The following FNDC3B variants were observed in gnomAD, a reference collection of about 807,000 sequenced individuals.
FNDC3B encodes the protein fibronectin type III domain-containing protein 3B.
FNDC3B carries 12 observed loss-of-function variants against 151.5 expected under a neutral mutation model. The ratio of observed to expected loss-of-function variants is 0.08; its 90% confidence interval spans 0.05 to 0.13. FNDC3B has a LOEUF of 0.13. Among genes scored for constraint, FNDC3B ranks in the 10% least tolerant of loss-of-function variants. FNDC3B has a pLI of 1.00. For missense variants in FNDC3B, 1,214 were observed against 1,505.3 expected (o/e 0.81, Z 3.20); for synonymous variants, 528 against 549.0 (o/e 0.96, Z 0.54).
chr3:172,238,816 AT>A (rs1267624075), intron 4 of FNDC3B, among the ~76,000 whole-genome samples: 3 of 152,248 alleles, frequency 2.0e-5, no homozygotes, highest in African/African-American at 7.2e-5. Context: ...CTCCTATAGG[AT>A]TAAAGTAGAA....
intron 1 of FNDC3B, among the ~76,000 whole-genome samples, chr3:172,065,287 G>A (rs935747352): frequency 2.0e-5 from 3 of 152,242 alleles, no homozygotes; most frequent in South Asian, 2.1e-4. Flanking sequence ...AGCTGAGATC[G>A]TGCCACTGCA....
intron 3 of FNDC3B, among the ~76,000 whole-genome samples, chr3:172,174,557 A>G (rs1026240361): frequency 6.6e-6 from 1 of 152,202 alleles, no homozygotes; most frequent in Non-Finnish European, 1.5e-5. Flanking sequence ...GAGTATCTTT[A>G]TGTTAATGTT....
intron 3 of FNDC3B, among the ~76,000 whole-genome samples, chr3:172,212,820 A>G (rs1172942298): frequency 6.6e-6 from 1 of 152,240 alleles, no homozygotes; most frequent in Non-Finnish European, 1.5e-5. Flanking sequence ...AAGAACTTTA[A>G]AAAATACTAT....
intron 1 of FNDC3B, among the ~76,000 whole-genome samples, chr3:172,062,877 G>T (rs992754532): frequency 1.3e-5 from 2 of 151,952 alleles, no homozygotes; most frequent in Admixed American, 6.6e-5. Context: ...AATGAGAGGA[G>T]AATGAAGAAT....
At position 172,173,565 on chromosome 3, in the gene FNDC3B, C is replaced by T. The variant is rs141367821; in HGVS notation, c.187+40019C>T. Among the ~76,000 whole-genome samples, 1,333 of 147,876 alleles carry T rather than the reference C, an allele frequency of 9.0e-3. 20 individuals carry two copies. The highest frequency in any genetic ancestry group is 0.031 in the African/African-American group (1,246 of 39,868). On this transcript the variant is annotated intron_variant, in intron 3 of 25. Transcript: ENST00000415807. ...ATACCAGCACTTTGGGAGGCCGAGG[C>T]GGGAGGATCACTTGCACTTAGGAGT... is the stretch of plus-strand genomic sequence containing the variant.
chr3:172,278,648 C>T (rs1358799323), intron 6 of FNDC3B, among the ~76,000 whole-genome samples: 2 of 152,142 alleles, frequency 1.3e-5, no homozygotes, highest in African/African-American at 4.8e-5. Flanking sequence ...AGCCTTTGGC[C>T]GGGTGTGGTG....
At chr3:172,048,361 T>C (rs558665293) in intron 1 of FNDC3B, among the ~76,000 whole-genome samples, 1 of 152,210 alleles carries the variant, frequency 6.6e-6, no homozygotes, top group Non-Finnish European at 1.5e-5. Context: ...AGTCTTTAGA[T>C]GCTGTTTCTG....
chr3:172,324,956 G>A (rs1732267275), intron 11 of FNDC3B, among the ~76,000 whole-genome samples: 1 of 152,340 alleles, frequency 6.6e-6, no homozygotes, highest in African/African-American at 2.4e-5. Context: ...GTGCAGCTAG[G>A]AGTCTCTTCC....
intron 1 of FNDC3B, among the ~76,000 whole-genome samples, chr3:172,109,599 G>A (rs1329993106): frequency 2.0e-5 from 3 of 152,184 alleles, no homozygotes; most frequent in Admixed American, 6.5e-5. Context: ...CATGATCAAC[G>A]GTGTGACTGT....
rs1163688613 is a variant in FNDC3B, at chr3:172,214,235, CAA to C, written c.188-12633_188-12632del. Among the ~76,000 whole-genome samples the C allele has an allele frequency of 5.9e-5, 9 of 152,252 alleles. No individual in the cohort carries two copies. In the South Asian group the frequency reaches 1.2e-3, roughly 21 times the overall value. ...CTGCCCTTTGTTTTTCACTTACAAACAAAAGAGTAAAATCAACAGGCTGGTCT... is the reference window on the plus strand; with the variant it reads ...CTGCCCTTTGTTTTTCACTTACAAACAAGAGTAAAATCAACAGGCTGGTCT... On this transcript the variant is annotated intron_variant, in intron 3 of 25. Transcript: ENST00000415807.
In FNDC3B at chr3:172,398,439, A is replaced by G. The variant is rs1349189453; in HGVS notation, c.*964A>G. On this transcript the variant is annotated 3_prime_UTR_variant, in exon 26 of 26. Coordinates refer to ENST00000415807, the MANE Select transcript of FNDC3B (RefSeq NM_022763.4). ...TGTGTCAGCTCATTATTTTTGAAACATTTGCCTTTAGGCTGTTCTTTGAGG... is the reference window on the plus strand; with the variant it reads ...TGTGTCAGCTCATTATTTTTGAAACGTTTGCCTTTAGGCTGTTCTTTGAGG... The G allele has an allele frequency of 6.6e-6, 1 of 152,540 alleles. No homozygotes were observed. The highest frequency in any genetic ancestry group is 1.9e-4 in the East Asian group (1 of 5,204). 9.4% of individuals were successfully genotyped at this position (152,540 alleles called of 1,614,324 possible). A position where few individuals can be genotyped will look rare whatever the true frequency, so the allele number is the denominator to read the frequency against.
intron 25 of FNDC3B, among the ~76,000 whole-genome samples, chr3:172,396,596 AG>A (rs966376017): frequency 1.2e-4 from 18 of 152,326 alleles, no homozygotes; most frequent in African/African-American, 3.6e-4. Flanking sequence ...GCCGCACAGC[AG>A]GAAGTGATTG....
intron 1 of FNDC3B, among the ~76,000 whole-genome samples, chr3:172,062,402 C>T (rs183552858): frequency 8.5e-4 from 129 of 151,818 alleles, no homozygotes; most frequent in African/African-American, 3.1e-3. Context: ...ACCTCCGCCT[C>T]GCAGGTTCAA....
intron 9 of FNDC3B, chr3:172,306,927 T>C (rs1261050584): frequency 6.2e-6 from 1 of 162,084 alleles, no homozygotes. Flanking sequence ...CTGTTTGTAC[T>C]TTTATGCTTT....
chr3:172,315,194 C>T (rs1012898773), intron 11 of FNDC3B, among the ~76,000 whole-genome samples: 9 of 151,974 alleles, frequency 5.9e-5, no homozygotes, highest in Non-Finnish European at 8.8e-5. Context: ...CTGGGCAACA[C>T]GGTGAAACCT....
At chr3:172,229,006 A>G (rs1726736552) in intron 4 of FNDC3B, among the ~76,000 whole-genome samples, 1 of 152,056 alleles carries the variant, frequency 6.6e-6, no homozygotes, top group South Asian at 2.1e-4. Flanking sequence ...AACCAAATAT[A>G]AAATGTCTTA....
rs903039938 is a variant in FNDC3B at position 172,386,772 on chromosome 3, A to C, written c.3303+5679A>C. Reference sequence around the variant, plus strand: ...AGAAAAAAAAAAGAAAAAAAAAAAAAAAACCTCTGAAGTGTCTAGAGGTCT... The same window carrying C: ...AGAAAAAAAAAAGAAAAAAAAAAAACAAACCTCTGAAGTGTCTAGAGGTCT... On this transcript the variant is annotated intron_variant, in intron 25 of 25. Coordinates refer to ENST00000415807, the MANE Select transcript of FNDC3B (RefSeq NM_022763.4). Among the ~76,000 whole-genome samples the C allele has an allele frequency of 6.8e-4, 103 of 151,888 alleles. No individual in the cohort carries two copies. The Middle Eastern group carries it at 0.014, about 20-fold the overall frequency.
At chr3:172,048,456 T>C (rs2108454792) in intron 1 of FNDC3B, among the ~76,000 whole-genome samples, 1 of 152,326 alleles carries the variant, frequency 6.6e-6, no homozygotes, top group African/African-American at 2.4e-5. Context: ...AGTAGTGAAT[T>C]AGAGAATACT....
At chr3:172,136,172 C>T (rs149730862) in intron 3 of FNDC3B, among the ~76,000 whole-genome samples, 1 of 152,316 alleles carries the variant, frequency 6.6e-6, no homozygotes, top group Non-Finnish European at 1.5e-5. Context: ...CTCTTGACAA[C>T]AGCAAGGTTA....
Sources: gnomAD v4.1 joint callset for allele counts (sites outside exome capture counted in the v4.1 genomes callset) on GRCh38, gnomAD v4.1.1 for gene constraint, MANE v1.5 for transcripts, NCBI Gene and HGNC (gene_info 2026-07-23, HGNC 2026-07-21) for gene names.